ZBTB20: variants seen among roughly 807,000 people sequenced by gnomAD.
ZBTB20 encodes zinc finger and BTB domain-containing protein 20.
A neutral mutation model predicts 56.9 loss-of-function variants in ZBTB20; 9 were observed. The ratio of observed to expected loss-of-function variants is 0.16; its 90% confidence interval spans 0.10 to 0.28. The LOEUF (loss-of-function observed/expected upper bound fraction) is 0.28, where lower values mean the gene tolerates loss of function less well. Ranked by LOEUF, ZBTB20 falls within the 10% of genes least tolerant of loss-of-function variation. The pLI is 1.00. For synonymous variants in ZBTB20, 417 were observed against 420.7 expected (o/e 0.99, Z 0.11); for missense variants, 655 against 1,003.0 (o/e 0.65, Z 4.69).
chr3:114,408,724 C>T (rs1409989958), intron 7 of ZBTB20, among the ~76,000 whole-genome samples: 1 of 152,066 alleles, frequency 6.6e-6, no homozygotes, highest in Non-Finnish European at 1.5e-5. Context: ...ATTCCACCCC[C>T]ACCCCCAATT....
At chr3:114,987,816 G>A (rs1474125227) in intron 2 of ZBTB20, among the ~76,000 whole-genome samples, 1 of 152,060 alleles carries the variant, frequency 6.6e-6, no homozygotes, top group Non-Finnish European at 1.5e-5. Context: ...TCAGGTATCA[G>A]CAAAAAGTAC....
At chr3:115,121,044 T>C (rs921270692) in intron 1 of ZBTB20, among the ~76,000 whole-genome samples, 1 of 152,052 alleles carries the variant, frequency 6.6e-6, no homozygotes, top group Admixed American at 6.5e-5. Context: ...GCCTGAACTT[T>C]TGTCATTAAG....
chr3:114,503,635 T>G (rs2044261869), intron 6 of ZBTB20, among the ~76,000 whole-genome samples: 1 of 152,050 alleles, frequency 6.6e-6, no homozygotes, highest in Non-Finnish European at 1.5e-5. Flanking sequence ...CACACTTTGT[T>G]CAAAGCATAA....
chr3:114,494,512 CTT>C (rs1334762891), intron 7 of ZBTB20, among the ~76,000 whole-genome samples: 1 of 152,226 alleles, frequency 6.6e-6, no homozygotes, highest in African/African-American at 2.4e-5. Context: ...CTGCTTTCCT[CTT>C]GTCTCATTCC....
At chr3:114,807,142 G>A (rs560488985) in intron 4 of ZBTB20, among the ~76,000 whole-genome samples, 1 of 151,904 alleles carries the variant, frequency 6.6e-6, no homozygotes, top group South Asian at 2.1e-4. Flanking sequence ...TATTCTTTTT[G>A]ACAGGATTGT....
At chr3:115,113,415 T>C (rs1360227928) in intron 1 of ZBTB20, among the ~76,000 whole-genome samples, 1 of 152,226 alleles carries the variant, frequency 6.6e-6, no homozygotes, top group African/African-American at 2.4e-5. Flanking sequence ...TGCCAGAATA[T>C]GAAGCATTGG....
intron 6 of ZBTB20, among the ~76,000 whole-genome samples, chr3:114,506,602 C>T (rs2044642391): frequency 6.6e-6 from 1 of 152,126 alleles, no homozygotes; most frequent in South Asian, 2.1e-4. Context: ...ACTTTCTCTT[C>T]TATATCTTAA....
chr3:114,879,053 T>C (rs955830385), intron 4 of ZBTB20, among the ~76,000 whole-genome samples: 3 of 152,190 alleles, frequency 2.0e-5, no homozygotes, highest in Non-Finnish European at 4.4e-5. Flanking sequence ...ATGCATTTCC[T>C]TGGACATATA....
At chr3:115,035,543 A>AC (rs2080877980) in intron 2 of ZBTB20, among the ~76,000 whole-genome samples, 6 of 148,484 alleles carry the variant, frequency 4.0e-5, no homozygotes, top group African/African-American at 1.6e-4. Context: ...TGCTACTATC[A>AC]AACACACACA....
intron 6 of ZBTB20, among the ~76,000 whole-genome samples, chr3:114,587,039 C>T (rs976191150): frequency 1.5e-4 from 21 of 136,204 alleles, no homozygotes; most frequent in African/African-American, 5.7e-4. Flanking sequence ...TCTTGTCACC[C>T]AGGCTGGAGT....
At chr3:114,851,859 T>A (rs139021808) in intron 4 of ZBTB20, among the ~76,000 whole-genome samples, 101 of 152,282 alleles carry the variant, frequency 6.6e-4, no homozygotes, top group African/African-American at 2.3e-3. Flanking sequence ...TTATTTTCTG[T>A]AAATTCTGTA....
At chr3:114,612,025 C>T (rs534590737) in intron 6 of ZBTB20, among the ~76,000 whole-genome samples, 2 of 152,324 alleles carry the variant, frequency 1.3e-5, no homozygotes, top group East Asian at 3.9e-4. Context: ...AGTTTCACTA[C>T]TTCCTGTATA....
At chr3:114,429,293 C>T (rs1441056258) in intron 7 of ZBTB20, among the ~76,000 whole-genome samples, 1 of 152,158 alleles carries the variant, frequency 6.6e-6, no homozygotes, top group African/African-American at 2.4e-5. Context: ...AAACTAATTC[C>T]TATTGGATTA....
At chr3:114,782,510 C>T (rs1410177613) in intron 5 of ZBTB20, among the ~76,000 whole-genome samples, 1 of 152,154 alleles carries the variant, frequency 6.6e-6, no homozygotes, top group Non-Finnish European at 1.5e-5. Flanking sequence ...GAAGTTTATA[C>T]ATGTGTAAGT....
intron 6 of ZBTB20, among the ~76,000 whole-genome samples, chr3:114,592,668 G>A (rs758338729): frequency 6.6e-6 from 1 of 152,100 alleles, no homozygotes; most frequent in African/African-American, 2.4e-5. Flanking sequence ...TTTAAATTTC[G>A]TTGAATACAA....
At chr3:114,692,260 T>G (rs2062741792) in intron 6 of ZBTB20, among the ~76,000 whole-genome samples, 1 of 152,046 alleles carries the variant, frequency 6.6e-6, no homozygotes. Flanking sequence ...TCTTTTGGGG[T>G]AGCATAGCAA....
At chr3:115,056,426 C>T (rs1444198859) in intron 2 of ZBTB20, among the ~76,000 whole-genome samples, 1 of 152,000 alleles carries the variant, frequency 6.6e-6, no homozygotes, top group Non-Finnish European at 1.5e-5. Flanking sequence ...GCCCCTGCAA[C>T]CTGGCAATGA....
At chr3:114,427,062 T>A (rs1024070914) in intron 7 of ZBTB20, among the ~76,000 whole-genome samples, 2 of 152,172 alleles carry the variant, frequency 1.3e-5, no homozygotes, top group African/African-American at 4.8e-5. Context: ...ACACACTTGT[T>A]GAATTGAATT....
At chr3:115,022,519 T>C (rs2080246731) in intron 2 of ZBTB20, among the ~76,000 whole-genome samples, 1 of 151,096 alleles carries the variant, frequency 6.6e-6, no homozygotes, top group South Asian at 2.1e-4. Context: ...CAAGAGTAAC[T>C]TAGAGCCATG....
Sources: gnomAD v4.1 joint callset for allele counts (sites outside exome capture counted in the v4.1 genomes callset) on GRCh38, gnomAD v4.1.1 for gene constraint, MANE v1.5 for transcripts, NCBI Gene and HGNC (gene_info 2026-07-23, HGNC 2026-07-21) for gene names.